PRELID2: variants seen among roughly 807,000 people sequenced by gnomAD.
PRELID2 encodes the protein PRELI domain-containing protein 2.
A neutral mutation model predicts 28.4 loss-of-function variants in PRELID2; 25 were observed. That is an observed-to-expected ratio of 0.88 (90% CI 0.64 to 1.23). The LOEUF (loss-of-function observed/expected upper bound fraction) is 1.23. Among genes scored for constraint, PRELID2 ranks in the 50% most tolerant of loss-of-function variants. The pLI is 0.00. For synonymous variants in PRELID2, 76 were observed against 71.6 expected (o/e 1.06, Z -0.31); for missense variants, 201 against 214.4 (o/e 0.94, Z 0.39).
chr5:145,656,613 G>A (rs1049353935), intron 1 of PRELID2, among the ~76,000 whole-genome samples: 8 of 152,046 alleles, frequency 5.3e-5, no homozygotes, highest in Non-Finnish European at 5.9e-5. Context: ...AGACATGGAT[G>A]AAGCTGGAAA....
intron 1 of PRELID2, among the ~76,000 whole-genome samples, chr5:145,625,007 A>G (rs2149654454): frequency 6.6e-6 from 1 of 152,294 alleles, no homozygotes; most frequent in African/African-American, 2.4e-5. Context: ...TAGTCAGGAA[A>G]TGCATACAAA....
the PRELID2 span, among the ~76,000 whole-genome samples, chr5:145,309,572 T>G: frequency 6.6e-6 from 1 of 152,202 alleles, no homozygotes; most frequent in Non-Finnish European, 1.5e-5. Flanking sequence ...ATGGGCCTAA[T>G]AAAATAATCA....
At chr5:145,233,484 G>T in the PRELID2 span, among the ~76,000 whole-genome samples, 1 of 152,112 alleles carries the variant, frequency 6.6e-6, no homozygotes, top group Non-Finnish European at 1.5e-5. Flanking sequence ...GACGGACTTG[G>T]AGAAGGCAGT....
chr5:145,528,044 C>A (rs1752624016), intron 1 of PRELID2, among the ~76,000 whole-genome samples: 1 of 152,122 alleles, frequency 6.6e-6, no homozygotes, highest in Non-Finnish European at 1.5e-5. Context: ...ATCACCTACT[C>A]ACCCTCATTC....
chr5:145,355,045 T>A, the PRELID2 span, among the ~76,000 whole-genome samples: 2 of 152,198 alleles, frequency 1.3e-5, no homozygotes, highest in Non-Finnish European at 2.9e-5. Context: ...AGCCTTTTCA[T>A]TAAAGACAGT....
At chr5:145,650,773 G>A (rs1156415963) in intron 1 of PRELID2, among the ~76,000 whole-genome samples, 1 of 151,906 alleles carries the variant, frequency 6.6e-6, no homozygotes, top group African/African-American at 2.4e-5. Flanking sequence ...AAATGACACA[G>A]ACTTGGTTCC....
At chr5:145,304,532 A>G in the PRELID2 span, among the ~76,000 whole-genome samples, 1 of 152,136 alleles carries the variant, frequency 6.6e-6, no homozygotes, top group Non-Finnish European at 1.5e-5. Flanking sequence ...AATCATTCCT[A>G]TTATAGAGAT....
Position 145,679,657 on chromosome 5 carries a change from G to A in PRELID2, n.70+85274C>T, listed in dbSNP as rs1176494119. Among the ~76,000 whole-genome samples the A allele has an allele frequency of 2.0e-5, 3 of 151,966 alleles. No homozygotes were observed. The East Asian group carries it at 5.8e-4, about 29-fold the overall frequency. On this transcript the variant is annotated intron_variant and non_coding_transcript_variant, in intron 1 of 2. Transcript: ENST00000510259. The stretch of plus-strand genomic sequence containing the variant: ...AAATAATTAATTATCCTGCCAAATT[G>A]TGAAGCTAATGGTGATGAAGTTGAT...
At chr5:145,349,716 G>T in the PRELID2 span, among the ~76,000 whole-genome samples, 1 of 151,894 alleles carries the variant, frequency 6.6e-6, no homozygotes, top group African/African-American at 2.4e-5. Context: ...AAATCCATGG[G>T]ACCTATAGCT....
Position 145,796,549 on chromosome 5 carries a change from T to G in PRELID2, c.369-2A>C. 1.3e-6 allele frequency: 2 copies of G among 1,584,088 alleles called. No individual in the cohort carries two copies. ...CTGCCTCTTTGAATGAACTCTGTCC[T>G]GCAAAAAAAACAAAAAACACATCTT... On this transcript the variant is annotated splice_acceptor_variant, in intron 4 of 6. Transcript: ENST00000683046. LOFTEE classifies it high-confidence loss of function.
At chr5:145,412,037 C>T in the PRELID2 span, among the ~76,000 whole-genome samples, 1 of 152,122 alleles carries the variant, frequency 6.6e-6, no homozygotes, top group South Asian at 2.1e-4. Context: ...GGGCCCAGGC[C>T]AGAAAACCAT....
At chr5:145,567,903 T>A (rs577273900) in intron 1 of PRELID2, among the ~76,000 whole-genome samples, 19 of 152,306 alleles carry the variant, frequency 1.2e-4, no homozygotes, top group African/African-American at 4.3e-4. Flanking sequence ...AATACACCGA[T>A]AAATCTGATG....
At chr5:145,259,360 C>T in the PRELID2 span, among the ~76,000 whole-genome samples, 1,444 of 152,244 alleles carry the variant, frequency 9.5e-3, 20 homozygotes, top group African/African-American at 0.032. Flanking sequence ...ATTCCTGCAC[C>T]TGGAAAAGCC....
chr5:145,247,408 G>A, the PRELID2 span, among the ~76,000 whole-genome samples: 1 of 152,134 alleles, frequency 6.6e-6, no homozygotes, highest in Admixed American at 6.6e-5. Flanking sequence ...TAGGCAGCAG[G>A]CAAGGTGAAC....
At chr5:145,337,730 T>TAC in the PRELID2 span, among the ~76,000 whole-genome samples, 1 of 20,634 alleles carries the variant, frequency 4.8e-5, no homozygotes, top group Non-Finnish European at 8.8e-5. Flanking sequence ...TATATATATA[T>TAC]ACTCACACAC....
chr5:145,232,969 G>GTGTA, the PRELID2 span, among the ~76,000 whole-genome samples: 116 of 148,284 alleles, frequency 7.8e-4, no homozygotes, highest in Non-Finnish European at 8.6e-4. Context: ...ATGTATGTAT[G>GTGTA]TATATATATA....
intron 1 of PRELID2, among the ~76,000 whole-genome samples, chr5:145,689,580 C>T (rs76258781): frequency 0.032 from 4,928 of 152,262 alleles, 262 homozygotes; most frequent in African/African-American, 0.11. Flanking sequence ...TAGTATTCAA[C>T]ACATCAGAGG....
chr5:145,827,249 G>C (rs1755255128), intron 1 of PRELID2, among the ~76,000 whole-genome samples: 1 of 152,158 alleles, frequency 6.6e-6, no homozygotes, highest in Non-Finnish European at 1.5e-5. Context: ...ATCACCATGA[G>C]CTATGCCAAA....
At chr5:145,518,049 G>A (rs1254455295) in intron 1 of PRELID2, among the ~76,000 whole-genome samples, 4 of 151,756 alleles carry the variant, frequency 2.6e-5, no homozygotes, top group Non-Finnish European at 4.4e-5. Context: ...TAGATGGTGG[G>A]TTAATGGGTG....
Sources: allele counts gnomAD v4.1 joint callset (sites outside exome capture counted in the v4.1 genomes callset), GRCh38; gene constraint gnomAD v4.1.1; transcripts MANE v1.5; gene names NCBI Gene and HGNC (gene_info 2026-07-23, HGNC 2026-07-21).